The following C2orf76 variants were observed in gnomAD, a reference collection of about 807,000 sequenced individuals.
C2orf76 encodes UPF0538 protein C2orf76.
A neutral mutation model predicts 16.9 loss-of-function variants in C2orf76; 23 were observed. That is an observed-to-expected ratio of 1.36 (90% CI 0.98 to 1.93). The LOEUF is 1.93. Ranked by LOEUF, C2orf76 falls within the 30% of genes most tolerant of loss-of-function variation. The probability of loss-of-function intolerance (pLI) is 0.00; values close to 1 mark genes in which losing one functional copy is unlikely to be tolerated. For synonymous variants in C2orf76, 48 were observed against 52.3 expected (o/e 0.92, Z 0.35); for missense variants, 152 against 152.6 (o/e 1.00, Z 0.02).
intron 1 of C2orf76, among the ~76,000 whole-genome samples, chr2:119,350,071 C>T (rs1035778695): frequency 1.1e-5 from 1 of 92,166 alleles, no homozygotes; most frequent in African/African-American, 4.6e-5. Flanking sequence ...CCCACACCGC[C>T]CCCCGCCCCC....
chr2:119,314,014 G>T (rs1025754361), intron 4 of C2orf76, among the ~76,000 whole-genome samples: 28 of 86,142 alleles, frequency 3.3e-4, no homozygotes, highest in African/African-American at 5.5e-4. Context: ...TTTCTCAGTG[G>T]TTTTTTTTTT....
intron 1 of C2orf76, among the ~76,000 whole-genome samples, chr2:119,358,907 A>G (rs1321312941): frequency 2.6e-5 from 4 of 152,226 alleles, no homozygotes; most frequent in Admixed American, 2.6e-4. Flanking sequence ...AGCTGGCTAC[A>G]CTAAACAACA....
chr2:119,310,282 A>T lies in C2orf76; in HGVS notation c.304+1340T>A, dbSNP rs376679287. Among the ~76,000 whole-genome samples, 96 of 152,314 alleles carry T rather than the reference A, an allele frequency of 6.3e-4. 1 individual carries two copies. The highest frequency in any genetic ancestry group is 2.2e-3 in the African/African-American group (93 of 41,562). On this transcript the variant is annotated intron_variant, in intron 5 of 5. Transcript: ENST00000334816. ...TCACAAAGGTGCCACCTGCTACAAT[A>T]ATATAATAGCATTTAAAGAAACAAA...
chr2:119,367,049 A>G, upstream of C2orf76: 1 of 1,614,078 alleles, frequency 6.2e-7, no homozygotes. Flanking sequence ...CAAGTCGGCC[A>G]GGATGTCTCA....
the C2orf76 span, among the ~76,000 whole-genome samples, chr2:119,286,631 C>A: frequency 6.6e-6 from 1 of 152,140 alleles, no homozygotes; most frequent in African/African-American, 2.4e-5. Flanking sequence ...CGGAAGGAAA[C>A]AAGGACCCAT....
chr2:119,328,872 T>C (rs1679589055), intron 2 of C2orf76, among the ~76,000 whole-genome samples: 1 of 152,218 alleles, frequency 6.6e-6, no homozygotes, highest in Non-Finnish European at 1.5e-5. Context: ...TTATTTGGTT[T>C]CCAAATATTT....
chr2:119,339,920 G>A lies in C2orf76; in HGVS notation c.40C>T (p.Arg14Cys), dbSNP rs759498731. 3.8e-5 allele frequency: 61 copies of A among 1,612,792 alleles called. No individual in the cohort carries two copies. In the East Asian group the frequency reaches 8.0e-4, roughly 21 times the overall value. Residue 14 changes from arginine to cysteine, a missense_variant, in exon 2 of 6, where the codon CGT becomes TGT. Arg to Cys is a radical substitution (Grantham distance 180). Coordinates refer to ENST00000334816, the MANE Select transcript of C2orf76 (RefSeq NM_001322331.2). ...GEVTITVRLI[R>C]SFEHRNFKPV... ...TTGAAATTGCGATGTTCAAAGGAAC[G>A]GATGAGGCGAACTGTGATGGTCACT...
At chr2:119,330,727 C>T (rs1044479039) in intron 2 of C2orf76, among the ~76,000 whole-genome samples, 2 of 152,126 alleles carry the variant, frequency 1.3e-5, no homozygotes, top group Non-Finnish European at 2.9e-5. Context: ...CCATACCTCC[C>T]CACTGCTTTA....
intron 3 of C2orf76, 54 bp from the exon 4 acceptor site, chr2:119,317,557 C>T: frequency 1.4e-6 from 2 of 1,459,024 alleles, no homozygotes; most frequent in Non-Finnish European, 1.9e-6. Context: ...AACTTCTTTT[C>T]AAATTATTAA....
chr2:119,320,930 G>A (rs896724305), intron 3 of C2orf76, among the ~76,000 whole-genome samples: 9 of 152,042 alleles, frequency 5.9e-5, no homozygotes, highest in South Asian at 2.1e-4. Flanking sequence ...AGAGAAACTC[G>A]TTTTAAACAC....
the C2orf76 span, among the ~76,000 whole-genome samples, chr2:119,288,021 G>A: frequency 6.6e-6 from 1 of 152,130 alleles, no homozygotes; most frequent in African/African-American, 2.4e-5. Context: ...AGAGGGGACT[G>A]TGATGGCACA....
At chr2:119,293,420 CAT>C in the C2orf76 span, among the ~76,000 whole-genome samples, 1 of 152,196 alleles carries the variant, frequency 6.6e-6, no homozygotes, top group East Asian at 1.9e-4. Context: ...CTGGGGCGTG[CAT>C]ATGTTTGGTG....
At position 119,302,235 on chromosome 2, in the gene C2orf76, T is replaced by C; in HGVS notation, c.*237A>G. 3.1e-6 allele frequency: 1 copy of C among 323,764 alleles called. No individual in the cohort carries two copies. The highest frequency in any genetic ancestry group is 5.6e-6 in the Non-Finnish European group (1 of 178,456). 20.1% of individuals were successfully genotyped at this position (323,764 alleles called of 1,614,324 possible). A position where few individuals can be genotyped will look rare whatever the true frequency, so the allele number is the denominator to read the frequency against. ...ATCAATATTCCACAATAATTTTTAA[T>C]AACAATTTATTTCCCTTTAAAAAGA... On this transcript the variant is annotated 3_prime_UTR_variant, in exon 6 of 6. Coordinates refer to ENST00000334816, the MANE Select transcript of C2orf76 (RefSeq NM_001322331.2).
chr2:119,301,105 A>ACACACAC (rs1553444732), downstream of C2orf76, among the ~76,000 whole-genome samples: 4 of 135,930 alleles, frequency 2.9e-5, no homozygotes, highest in African/African-American at 1.3e-4. Flanking sequence ...ACACACACAC[A>ACACACAC]ACTAATTTCT....
the C2orf76 span, among the ~76,000 whole-genome samples, chr2:119,296,648 A>T: frequency 5.3e-5 from 8 of 152,186 alleles, no homozygotes; most frequent in African/African-American, 1.9e-4. Flanking sequence ...CAGGAACTTC[A>T]CCATCTCTCC....
intron 1 of C2orf76, among the ~76,000 whole-genome samples, chr2:119,342,150 T>C (rs958196844): frequency 1.1e-4 from 17 of 152,070 alleles, no homozygotes; most frequent in Non-Finnish European, 1.9e-4. Flanking sequence ...ACTCCTACGA[T>C]AGAATATGAC....
intron 1 of C2orf76, among the ~76,000 whole-genome samples, chr2:119,354,906 T>C (rs1030540311): frequency 4.6e-5 from 7 of 152,252 alleles, no homozygotes; most frequent in Non-Finnish European, 1.0e-4. Flanking sequence ...CATTAGCAGC[T>C]GACCTTCCCT....
At chr2:119,352,916 G>C (rs1249414595) in intron 1 of C2orf76, among the ~76,000 whole-genome samples, 1 of 152,160 alleles carries the variant, frequency 6.6e-6, no homozygotes, top group African/African-American at 2.4e-5. Flanking sequence ...TCACAGGGCA[G>C]AGAGTCCATC....
intron 2 of C2orf76, among the ~76,000 whole-genome samples, chr2:119,330,458 G>A (rs1304277655): frequency 5.9e-5 from 9 of 151,470 alleles, no homozygotes; most frequent in African/African-American, 2.2e-4. Context: ...TATGTAATGT[G>A]TTCTTTTTTC....
Sources: gnomAD v4.1 joint callset for allele counts (sites outside exome capture counted in the v4.1 genomes callset) on GRCh38, gnomAD v4.1.1 for gene constraint, MANE v1.5 for transcripts, NCBI Gene and HGNC (gene_info 2026-07-23, HGNC 2026-07-21) for gene names.